ARID1B: variants seen among roughly 807,000 people sequenced by gnomAD.
ARID1B encodes the protein AT-rich interactive domain-containing protein 1B.
Under a neutral mutation model 212.3 loss-of-function variants are expected in ARID1B, and 30 were observed. The ratio of observed to expected loss-of-function variants is 0.14; its 90% CI spans 0.11 to 0.19. ARID1B has a LOEUF of 0.19. Among genes scored for constraint, ARID1B ranks in the 10% least tolerant of loss-of-function variants. The pLI, the probability that ARID1B is intolerant of heterozygous loss-of-function variation, is 1.00. For missense variants in ARID1B, 2,891 were observed against 3,204.0 expected (o/e 0.90, Z 2.36); for synonymous variants, 1,402 against 1,301.7 (o/e 1.08, Z -1.66).
intron 7 of ARID1B, among the ~76,000 whole-genome samples, chr6:157,146,815 T>G (rs1237138334): frequency 6.6e-6 from 1 of 152,184 alleles, no homozygotes; most frequent in Non-Finnish European, 1.5e-5. Flanking sequence ...AAGGACTGAT[T>G]GGGAAACACT....
intron 4 of ARID1B, among the ~76,000 whole-genome samples, chr6:157,037,123 G>A (rs1781383574): frequency 6.6e-6 from 1 of 152,196 alleles, no homozygotes; most frequent in South Asian, 2.1e-4. Context: ...AGCAGTAATT[G>A]ACTTTTAAAT....
intron 4 of ARID1B, among the ~76,000 whole-genome samples, chr6:156,962,445 G>A (rs917105949): frequency 6.6e-6 from 1 of 152,056 alleles, no homozygotes; most frequent in Non-Finnish European, 1.5e-5. Flanking sequence ...CTGTGCCTGT[G>A]TCTATTTCTT....
chr6:156,947,370 A>C (rs1793228210), intron 4 of ARID1B, among the ~76,000 whole-genome samples: 1 of 152,042 alleles, frequency 6.6e-6, no homozygotes, highest in Non-Finnish European at 1.5e-5. Flanking sequence ...CCTTCTCTGA[A>C]ACTTTTTGGG....
chr6:157,153,836 C>T (rs912172950), intron 8 of ARID1B, among the ~76,000 whole-genome samples: 2 of 152,138 alleles, frequency 1.3e-5, no homozygotes, highest in Non-Finnish European at 1.5e-5. Flanking sequence ...GACAGAGTCT[C>T]ACTATGTTGC....
chr6:157,081,443 G>C (rs1471769302), intron 4 of ARID1B, among the ~76,000 whole-genome samples: 3 of 152,198 alleles, frequency 2.0e-5, no homozygotes, highest in Non-Finnish European at 4.4e-5. Flanking sequence ...ACAATCTGCA[G>C]GGCGGGAATA....
At chr6:157,120,855 C>T (rs1787660493) in intron 6 of ARID1B, among the ~76,000 whole-genome samples, 1 of 152,196 alleles carries the variant, frequency 6.6e-6, no homozygotes, top group Admixed American at 6.5e-5. Flanking sequence ...TAGTTCTCTG[C>T]TAGCTGACGA....
chr6:157,102,539 A>G (rs1786124841), intron 5 of ARID1B, among the ~76,000 whole-genome samples: 1 of 150,728 alleles, frequency 6.6e-6, no homozygotes, highest in African/African-American at 2.4e-5. Context: ...TTTCTATGTC[A>G]GTGCTGTTGT....
In ARID1B at chr6:157,013,802, A is replaced by G. The variant is rs529620216; in HGVS notation, c.2248-70860A>G. On this transcript the variant is annotated intron_variant, in intron 4 of 19. Transcript: ENST00000636930. The stretch of plus-strand genomic sequence containing the variant: ...AGGGAATTCAGCGGCAGGCCTGAAC[A>G]GAATAGAAGTGACAAGCAAGAATCA... 3.9e-5 allele frequency among the ~76,000 whole-genome samples: 6 copies of G among 152,348 alleles called. No individual in the cohort carries two copies. The South Asian group carries it at 1.2e-3, about 32-fold the overall frequency.
chr6:156,781,115 TGAG>T (rs1397760230), intron 1 of ARID1B, among the ~76,000 whole-genome samples: 1 of 152,174 alleles, frequency 6.6e-6, no homozygotes, highest in Non-Finnish European at 1.5e-5. Flanking sequence ...TATTTGTGGA[TGAG>T]GAGTTTTGGT....
At chr6:156,876,553 C>A (rs1035380386) in intron 2 of ARID1B, among the ~76,000 whole-genome samples, 1 of 152,180 alleles carries the variant, frequency 6.6e-6, no homozygotes, top group Non-Finnish European at 1.5e-5. Flanking sequence ...CCGTTTGCCC[C>A]CATAAAAACA....
Position 156,901,536 on chromosome 6 carries a change from T to C in ARID1B, c.2136+11T>C. ...TACCAGCCGCAGCAGGTGAGCACAG[T>C]GCACTGCCCCGCAGGGCCCTGTTTT... On this transcript the variant is annotated intron_variant, in intron 3 of 19. Transcript: ENST00000636930. 1 of 1,612,128 alleles carries C rather than the reference T, an allele frequency of 6.2e-7. No homozygotes were observed.
intron 4 of ARID1B, among the ~76,000 whole-genome samples, chr6:156,945,109 T>A (rs1792990079): frequency 6.7e-6 from 1 of 149,120 alleles, no homozygotes; most frequent in Non-Finnish European, 1.5e-5. Context: ...ATATTTTTTT[T>A]TTTTTTTAGT....
intron 8 of ARID1B, chr6:157,149,583 A>G (rs1170218977): frequency 2.6e-5 from 4 of 152,258 alleles, no homozygotes; most frequent in African/African-American, 9.6e-5. Context: ...AGCTACAATT[A>G]CTTACTCATT....
chr6:156,960,062 C>T (rs1195651651), intron 4 of ARID1B, among the ~76,000 whole-genome samples: 1 of 151,698 alleles, frequency 6.6e-6, no homozygotes, highest in Non-Finnish European at 1.5e-5. Flanking sequence ...TCCTGAGTAG[C>T]TGGGATTACA....
chr6:157,204,259 G>A (rs1237054531), intron 19 of ARID1B: 1 of 311,176 alleles, frequency 3.2e-6, no homozygotes, highest in Non-Finnish European at 6.0e-6. Context: ...TGGGATAGAT[G>A]ACAGTAGTAA....
intron 2 of ARID1B, among the ~76,000 whole-genome samples, chr6:156,873,689 T>C (rs1583194744): frequency 6.6e-6 from 1 of 152,240 alleles, no homozygotes; most frequent in East Asian, 1.9e-4. Flanking sequence ...GCAGTACCTG[T>C]GTGCTTTGCA....
At chr6:156,839,432 C>G (rs1783738311) in intron 2 of ARID1B, among the ~76,000 whole-genome samples, 2 of 152,076 alleles carry the variant, frequency 1.3e-5, no homozygotes, top group South Asian at 4.2e-4. Context: ...GTCCCTACCT[C>G]CAGTCAACAT....
intron 1 of ARID1B, among the ~76,000 whole-genome samples, chr6:156,823,357 G>C (rs1782504323): frequency 6.6e-6 from 1 of 152,130 alleles, no homozygotes; most frequent in Admixed American, 6.5e-5. Context: ...TAGTGAATGA[G>C]AAAACTAAGA....
chr6:156,845,800 A>G (rs997256259), intron 2 of ARID1B, among the ~76,000 whole-genome samples: 1 of 151,874 alleles, frequency 6.6e-6, no homozygotes, highest in Non-Finnish European at 1.5e-5. Flanking sequence ...CCATATCTTT[A>G]TTTCATTTGT....
Sources: allele counts gnomAD v4.1 joint callset (sites outside exome capture counted in the v4.1 genomes callset), GRCh38; gene constraint gnomAD v4.1.1; transcripts MANE v1.5; gene names NCBI Gene and HGNC (gene_info 2026-07-23, HGNC 2026-07-21).